ROR2: variants seen among roughly 807,000 people sequenced by gnomAD.
ROR2 encodes the protein ROR family WNT receptor 2.
A neutral mutation model predicts 74.9 loss-of-function variants in ROR2; 33 were observed. The observed-to-expected ratio is 0.44, with a 90% CI of 0.33 to 0.59. The LOEUF is 0.59. ROR2 is among the 20% of genes least tolerant of loss of function. The pLI is 0.02. For synonymous variants in ROR2, 586 were observed against 558.7 expected, an observed-to-expected ratio of 1.05 and a Z score of -0.69; for missense variants, 1,216 against 1,313.8, an observed-to-expected ratio of 0.93 and a Z score of 1.15.
At chr9:91,806,130 C>A (rs936216029) in intron 1 of ROR2, among the ~76,000 whole-genome samples, 23 of 152,298 alleles carry the variant, frequency 1.5e-4, no homozygotes, top group African/African-American at 5.5e-4. Context: ...GGCTTATTAG[C>A]AGAAATAGGG....
rs547557569 is a variant in ROR2, at chr9:91,761,222, G to A, written c.176-3663C>T. Among the ~76,000 whole-genome samples the A allele has an allele frequency of 6.6e-5, 10 of 152,278 alleles. No individual in the cohort carries two copies. The East Asian group carries it at 1.9e-3, about 29-fold the overall frequency. On this transcript the variant is annotated intron_variant, in intron 2 of 8. Coordinates refer to ENST00000375708, the MANE Select transcript of ROR2 (RefSeq NM_004560.4). ...AACCCAACAGTCCCATAGACCAGTG[G>A]TCCCCAGTCTTTTTAGCACCAGGGA...
At chr9:91,727,845 C>A (rs1439084249) in intron 7 of ROR2, among the ~76,000 whole-genome samples, 1 of 152,160 alleles carries the variant, frequency 6.6e-6, no homozygotes, top group Non-Finnish European at 1.5e-5. Context: ...ATGCTACTGC[C>A]ACCTTAGGAA....
chr9:91,832,222 A>G (rs1828482063), intron 1 of ROR2, among the ~76,000 whole-genome samples: 1 of 152,122 alleles, frequency 6.6e-6, no homozygotes, highest in Admixed American at 6.5e-5. Context: ...TTGGATTAAC[A>G]CTGGTACAAT....
At chr9:91,939,340 C>T (rs1002831521) in intron 1 of ROR2, among the ~76,000 whole-genome samples, 21 of 152,204 alleles carry the variant, frequency 1.4e-4, no homozygotes, top group African/African-American at 4.6e-4. Flanking sequence ...GCCATGCTCC[C>T]GCATCATGGT....
chr9:91,752,962 A>G (rs1027076801), intron 4 of ROR2, among the ~76,000 whole-genome samples: 4 of 152,212 alleles, frequency 2.6e-5, no homozygotes, highest in African/African-American at 9.7e-5. Flanking sequence ...GCCCACTATA[A>G]AATTCTTTCA....
chr9:91,932,868 C>A (rs7029733), intron 1 of ROR2, among the ~76,000 whole-genome samples: 60,900 of 151,998 alleles, frequency 0.4, 13,367 homozygotes, highest in African/African-American at 0.59. Flanking sequence ...TTCTATTTTT[C>A]ATACTTCTTA....
rs763450261 is a variant in ROR2 at position 91,757,579 on chromosome 9, C to G, written c.176-20G>C. 1 of 1,610,478 alleles carries G rather than the reference C, an allele frequency of 6.2e-7. No homozygotes were observed. Among genetic ancestry groups the G allele is most frequent in the Non-Finnish European group, 8.5e-7 (1 of 1,178,620 alleles). ...AGTAACCTGCCAAGGAGAGCGGTCA[C>G]AAAAGAGCAAGCGTCAGTGAGGGCT... is the stretch of plus-strand genomic sequence containing the variant. On this transcript the variant is annotated intron_variant, in intron 2 of 8. Coordinates refer to ENST00000375708, the MANE Select transcript of ROR2 (RefSeq NM_004560.4).
In ROR2 at chr9:91,724,508, C is replaced by A; in HGVS notation, c.1986G>T (p.Glu662Asp). ...TGGAGAACTTGCCGTACATGATGGC[C>A]TCTGGGGCCATCCAGCGGATAGGCA... is the stretch of plus-strand genomic sequence containing the variant. ...SLLPIRWMAPEAIMYGKFSID... is the reference protein window; with the variant it reads ...SLLPIRWMAPDAIMYGKFSID... Residue 662 changes from glutamate to aspartate, a missense_variant, in exon 9 of 9, where the codon GAG (glutamate) becomes GAT (aspartate). Coordinates refer to ENST00000375708, the MANE Select transcript of ROR2 (RefSeq NM_004560.4). 1 of 1,614,230 alleles carries A rather than the reference C, an allele frequency of 6.2e-7. No individual in the cohort carries two copies. The highest frequency in any genetic ancestry group is 8.5e-7 in the Non-Finnish European group (1 of 1,180,044).
intron 1 of ROR2, among the ~76,000 whole-genome samples, chr9:91,878,306 G>A (rs1227876028): frequency 2.0e-5 from 3 of 152,124 alleles, no homozygotes; most frequent in Non-Finnish European, 2.9e-5. Context: ...GGGCTCCTTC[G>A]CACCTCCATG....
At position 91,755,969 on chromosome 9, in the gene ROR2, A is replaced by T. The variant is rs567067897; in HGVS notation, c.494+102T>A. On this transcript the variant is annotated intron_variant, in intron 4 of 8. Transcript: ENST00000375708. ...TGTGAAGCCCAGCCAACTTCTAGCA[A>T]ATTCGGCAAAGACATGAGCTGGCAG... 332 of 1,315,764 alleles carry T rather than the reference A, an allele frequency of 2.5e-4. 1 individual carries two copies. Among genetic ancestry groups the T allele is most frequent in the South Asian group, 1.1e-3 (97 of 84,786 alleles). 81.5% of individuals were successfully genotyped at this position (1,315,764 alleles called of 1,614,324 possible).
chr9:91,904,060 G>A (rs964477914), intron 1 of ROR2, among the ~76,000 whole-genome samples: 1 of 150,492 alleles, frequency 6.6e-6, no homozygotes, highest in Non-Finnish European at 1.5e-5. Flanking sequence ...TTGGGGGGGG[G>A]GACAGAGTCT....
chr9:91,786,251 T>C (rs1239740144), intron 1 of ROR2, among the ~76,000 whole-genome samples: 1 of 150,442 alleles, frequency 6.6e-6, no homozygotes, highest in Non-Finnish European at 1.5e-5. Context: ...CGCTTGAGCC[T>C]GGGAGGTTGA....
At chr9:91,856,698 T>C (rs1374828364) in intron 1 of ROR2, among the ~76,000 whole-genome samples, 2 of 152,186 alleles carry the variant, frequency 1.3e-5, no homozygotes, top group Non-Finnish European at 2.9e-5. Flanking sequence ...AGAATGAACG[T>C]TGTTTAAGCT....
At chr9:91,754,980 A>G (rs971984728) in intron 4 of ROR2, among the ~76,000 whole-genome samples, 1 of 152,082 alleles carries the variant, frequency 6.6e-6, no homozygotes, top group Non-Finnish European at 1.5e-5. Flanking sequence ...GTGAGACCCC[A>G]TCTCTACAAA....
At chr9:91,832,451 C>A (rs1224596341) in intron 1 of ROR2, among the ~76,000 whole-genome samples, 1 of 149,604 alleles carries the variant, frequency 6.7e-6, no homozygotes, top group Non-Finnish European at 1.5e-5. Flanking sequence ...CAGTCAAATG[C>A]AACTCTAGGT....
intron 1 of ROR2, among the ~76,000 whole-genome samples, chr9:91,942,137 A>G (rs1831889195): frequency 6.6e-6 from 1 of 152,080 alleles, no homozygotes; most frequent in Non-Finnish European, 1.5e-5. Flanking sequence ...TTCATCGCTC[A>G]TGTCCTCGAC....
intron 1 of ROR2, among the ~76,000 whole-genome samples, chr9:91,806,475 T>C (rs1366886067): frequency 2.0e-5 from 3 of 152,238 alleles, no homozygotes; most frequent in Non-Finnish European, 4.4e-5. Context: ...GATTTCAATA[T>C]AGGCATTTTA....
At chr9:91,873,857 T>C (rs1221004921) in intron 1 of ROR2, among the ~76,000 whole-genome samples, 1 of 152,158 alleles carries the variant, frequency 6.6e-6, no homozygotes, top group Non-Finnish European at 1.5e-5. Context: ...AGGGGAACCT[T>C]TTCCTCCCCT....
chr9:91,745,650 T>C (rs1188348794), intron 4 of ROR2, among the ~76,000 whole-genome samples: 2 of 151,926 alleles, frequency 1.3e-5, no homozygotes, highest in Non-Finnish European at 2.9e-5. Flanking sequence ...GGTATTGAAC[T>C]CCTGACCTCA....
Sources: gnomAD v4.1 joint callset for allele counts (sites outside exome capture counted in the v4.1 genomes callset) on GRCh38, gnomAD v4.1.1 for gene constraint, MANE v1.5 for transcripts, NCBI Gene and HGNC (gene_info 2026-07-23, HGNC 2026-07-21) for gene names.